ARHGAP11A: variants seen among roughly 807,000 people sequenced by gnomAD.
ARHGAP11A encodes the protein Rho GTPase activating protein 11A.
In ARHGAP11A, 36 loss-of-function variants were observed where a neutral mutation model predicts 60.5. The ratio of observed to expected loss-of-function variants is 0.59; its 90% CI spans 0.46 to 0.79. The LOEUF (loss-of-function observed/expected upper bound fraction) is 0.79, where lower values mean the gene tolerates loss of function less well. Among genes scored for constraint, ARHGAP11A ranks in the 30% least tolerant of loss-of-function variants. The probability of loss-of-function intolerance (pLI) is 0.00; values close to 1 mark genes in which losing one functional copy is unlikely to be tolerated. For missense variants in ARHGAP11A, 1,071 were observed against 1,199.2 expected, an observed-to-expected ratio of 0.89 and a Z score of 1.58; for synonymous variants, 362 against 415.5, an observed-to-expected ratio of 0.87 and a Z score of 1.57.
chr15:32,637,110 T>G lies in ARHGAP11A; in HGVS notation c.2337T>G (p.Pro779=). The G allele has an allele frequency of 1.2e-6, 2 of 1,614,024 alleles. No individual in the cohort carries two copies. Among genetic ancestry groups the G allele is most frequent in the Non-Finnish European group, 1.7e-6 (2 of 1,180,040 alleles). ...TAACAAACTTGTCAAAACCTAGGCC[T>G]ATGAGAATTGCTAAACAGCAGTCAT... The part of the protein sequence containing the change: ...CVVTNLSKPR[P]MRIAKQQSLE... Residue 779 remains proline (P), a synonymous_variant, in exon 12 of 12, where the codon CCT becomes CCG. Coordinates refer to ENST00000361627, the MANE Select transcript of ARHGAP11A (RefSeq NM_014783.6).
Position 32,623,540 on chromosome 15 carries a change from A to T in ARHGAP11A, c.249A>T (p.Glu83Asp), listed in dbSNP as rs750175172. The T allele has an allele frequency of 8.1e-6, 13 of 1,614,086 alleles. No individual in the cohort carries two copies. The East Asian group carries it at 2.2e-4, about 28-fold the overall frequency. Residue 83 changes from glutamate (E) to aspartate (D), a missense_variant, in exon 3 of 12, where the codon GAA becomes GAT. Physicochemically the swap from Glu to Asp is conservative, Grantham distance 45. Transcript: ENST00000361627. ...CTSLEDHIHT[E>D]GLFRKSGSVI... is the part of the protein sequence containing the mutation. ...CTTTAGAAGACCATATTCATACCGA[A>T]GGGCTTTTTCGGAAATCAGGATCTG...
At position 32,638,042 on chromosome 15, in the gene ARHGAP11A, T is replaced by C. The variant is rs2053766246; in HGVS notation, c.*197T>C. On this transcript the variant is annotated 3_prime_UTR_variant, in exon 12 of 12. Transcript: ENST00000361627. ...CAAATTACTTCTTTGTTTTTCTTAA[T>C]GATGGCAATTTTTAAACTTTAATTT... is the stretch of plus-strand genomic sequence containing the variant. 1 of 556,912 alleles carries C rather than the reference T, an allele frequency of 1.8e-6. No individual in the cohort carries two copies. Among genetic ancestry groups the C allele is most frequent in the Non-Finnish European group, 3.1e-6 (1 of 327,034 alleles). 34.5% of individuals were successfully genotyped at this position (556,912 alleles called of 1,614,324 possible). A position where few individuals can be genotyped will look rare whatever the true frequency, so the allele number is the denominator to read the frequency against.
At chr15:32,628,449 C>T (rs865866073) in intron 6 of ARHGAP11A, among the ~76,000 whole-genome samples, 18 of 152,252 alleles carry the variant, frequency 1.2e-4, no homozygotes, top group Middle Eastern at 6.8e-3. Context: ...GTAATGATTT[C>T]TTTTTCCCTA....
Position 32,624,434 on chromosome 15 carries a change from G to A in ARHGAP11A, c.551+8G>A, listed in dbSNP as rs1353890512. The A allele has an allele frequency of 1.2e-6, 2 of 1,607,536 alleles. No homozygotes were observed. The highest frequency in any genetic ancestry group is 1.7e-6 in the Non-Finnish European group (2 of 1,177,866). On this transcript the variant is annotated splice_region_variant and intron_variant, in intron 4 of 11. Coordinates refer to ENST00000361627, the MANE Select transcript of ARHGAP11A (RefSeq NM_014783.6). ...CAGGAATGTTTCTCTTAGGTAAGTG[G>A]TAATTAAAACTCTTGGCAAATAATA...
chr15:32,636,347 A>AT lies in ARHGAP11A; in HGVS notation c.1575dup (p.Asn526Ter). On this transcript the variant is annotated frameshift_variant, in exon 12 of 12. Coordinates refer to ENST00000361627, the MANE Select transcript of ARHGAP11A (RefSeq NM_014783.6). LOFTEE classifies it low-confidence loss of function (END_TRUNC). ...TACCGGATGTCTTGGACAGGACCTA[A>AT]TAATTCAAGTTTTCAAGAAGTAGAT... is the stretch of plus-strand genomic sequence containing the variant. 2 of 1,614,090 alleles carry AT rather than the reference A, an allele frequency of 1.2e-6. No individual in the cohort carries two copies. The highest frequency in any genetic ancestry group is 2.2e-5 in the South Asian group (2 of 91,070).
Position 32,636,497 on chromosome 15 carries a change from A to T in ARHGAP11A, c.1724A>T (p.His575Leu), listed in dbSNP as rs573976518. The T allele has an allele frequency of 2.0e-5, 33 of 1,614,072 alleles. No homozygotes were observed. The South Asian group carries it at 3.4e-4, about 17-fold the overall frequency. The change falls in exon 12 of 12, where the codon CAT becomes CTT. Residue 575 changes from histidine to leucine, a missense_variant. Transcript: ENST00000361627. ...ACCCCTTCCAATTTAAACAATAAGC[A>T]TAATAGCAACATAACAAGTAGCCCT... ...ELTPSNLNNK[H>L]NSNITSSPLS... is the part of the protein sequence containing the mutation.
In ARHGAP11A at chr15:32,635,893, T is replaced by G; in HGVS notation, c.1461T>G (p.Val487=). The change falls in exon 11 of 12, where the codon GTT becomes GTG. Residue 487 remains valine, a synonymous_variant. Coordinates refer to ENST00000361627, the MANE Select transcript of ARHGAP11A (RefSeq NM_014783.6). ...CAGGTTTGCTTTTTAGCCCAGATGT[T>G]GATGAAAAGTTACCAAAGAAAGGTA... ...VKTGLLFSPD[V]DEKLPKKGSE... is the part of the protein sequence containing the mutation. The G allele has an allele frequency of 6.2e-7, 1 of 1,609,472 alleles. No homozygotes were observed. Among genetic ancestry groups the G allele is most frequent in the Non-Finnish European group, 8.5e-7 (1 of 1,178,646 alleles).
rs1221657795 is a variant in ARHGAP11A, at chr15:32,620,171, A to G, written c.193A>G (p.Ile65Val). 4 of 1,609,790 alleles carry G rather than the reference A, an allele frequency of 2.5e-6. No homozygotes were observed. The African/African-American group carries it at 5.4e-5, about 22-fold the overall frequency. ...PHSAVPEYGH[I>V]PSFLVDACTS... is the part of the protein sequence containing the mutation. ...TTCTGCTGTACCAGAATATGGACAC[A>G]TTCCAAGGTAAGCAGAGTTTGAAAT... Residue 65 changes from isoleucine to valine, a missense_variant, in exon 2 of 12, where the codon ATT (isoleucine) becomes GTT (valine). By Grantham distance (29) the Ile-to-Val change is conservative. Transcript: ENST00000361627.
chr15:32,617,921 G>A (rs919210960), intron 1 of ARHGAP11A, among the ~76,000 whole-genome samples: 4 of 152,152 alleles, frequency 2.6e-5, no homozygotes, highest in Non-Finnish European at 5.9e-5. Context: ...AAGTGGGAAC[G>A]TATTTCTCCT....
At position 32,637,701 on chromosome 15, in the gene ARHGAP11A, TAAC is replaced by T; in HGVS notation, c.2933_2935del (p.Asn978del). On this transcript the variant is annotated inframe_deletion, in exon 12 of 12. Coordinates refer to ENST00000361627, the MANE Select transcript of ARHGAP11A (RefSeq NM_014783.6). ...ATGATATAGTAAAACCAGTTGTAAA[TAAC>T]AACATGGGCATTTCTTCTGGGATAA... 1.2e-6 allele frequency: 2 copies of T among 1,614,148 alleles called. No homozygotes were observed. The highest frequency in any genetic ancestry group is 8.5e-7 in the Non-Finnish European group (1 of 1,180,026).
Position 32,637,666 on chromosome 15 carries a change from C to T in ARHGAP11A, c.2893C>T (p.Leu965=). 6.2e-7 allele frequency: 1 copy of T among 1,614,130 alleles called. No individual in the cohort carries two copies. Among genetic ancestry groups the T allele is most frequent in the Non-Finnish European group, 8.5e-7 (1 of 1,179,984 alleles). The change falls in exon 12 of 12, where the codon CTG becomes TTG. Residue 965 remains leucine (L), a synonymous_variant. Coordinates refer to ENST00000361627, the MANE Select transcript of ARHGAP11A (RefSeq NM_014783.6). ...CCAAGTTAAGGTTCCCTTGGATGAT[C>T]TGACTAATCATGATATAGTAAAACC... The part of the protein sequence containing the change: ...DGQVKVPLDD[L]TNHDIVKPVV...
At chr15:32,617,754 G>C (rs1207247040) in intron 1 of ARHGAP11A, among the ~76,000 whole-genome samples, 1 of 152,164 alleles carries the variant, frequency 6.6e-6, no homozygotes, top group Non-Finnish European at 1.5e-5. Context: ...TGGCAGGCGT[G>C]AGCCACTGCA....
In ARHGAP11A at chr15:32,624,338, G is replaced by T. The variant is rs750722673; in HGVS notation, c.463G>T (p.Ala155Ser). Residue 155 changes from alanine to serine, a missense_variant, in exon 4 of 12, where the codon GCT becomes TCT. Physicochemically the swap from Ala to Ser is moderately conservative, Grantham distance 99. Transcript: ENST00000361627. ...GTTAGGCACAGAGGAAAAGAATAAA[G>T]CTACACTGTTGCTCTCCTGTCTTCT... ...QQLGTEEKNK[A>S]TLLLSCLLAD... 2.5e-6 allele frequency: 4 copies of T among 1,613,944 alleles called. No homozygotes were observed. Among genetic ancestry groups the T allele is most frequent in the Non-Finnish European group, 3.4e-6 (4 of 1,179,868 alleles).
rs748090752 is a variant in ARHGAP11A, at chr15:32,625,500, T to G, written c.729T>G (p.Asp243Glu). The G allele has an allele frequency of 3.1e-6, 5 of 1,613,930 alleles. No individual in the cohort carries two copies. Among genetic ancestry groups the G allele is most frequent in the Admixed American group, 1.7e-5 (1 of 60,014 alleles). Residue 243 changes from aspartate to glutamate, a missense_variant, in exon 6 of 12, where the codon GAT (aspartate) becomes GAG (glutamate). Physicochemically the swap from Asp to Glu is conservative, Grantham distance 45. Transcript: ENST00000361627. ...DYASDIGRVPDFILEKIPAML... is the reference protein window; with the variant it reads ...DYASDIGRVPEFILEKIPAML... ...ATTTTCATTTAGGGCGTGTACCAGATTTTATCCTGGAAAAGATACCAGCCA... is the reference window on the plus strand; with the variant it reads ...ATTTTCATTTAGGGCGTGTACCAGAGTTTATCCTGGAAAAGATACCAGCCA...
At chr15:32,632,205 ATG>A (rs749777224) in intron 8 of ARHGAP11A, among the ~76,000 whole-genome samples, 108 of 152,290 alleles carry the variant, frequency 7.1e-4, no homozygotes, top group Non-Finnish European at 1.3e-3. Flanking sequence ...TGTTTGTTGA[ATG>A]TGTCCTGGGC....
intron 4 of ARHGAP11A, 51 bp from the exon 5 acceptor site, chr15:32,625,029 T>A: frequency 6.3e-7 from 1 of 1,582,128 alleles, no homozygotes. Flanking sequence ...ATTTTAACTC[T>A]TCTGTATTTT....
intron 6 of ARHGAP11A, among the ~76,000 whole-genome samples, chr15:32,628,443 T>C (rs1168625269): frequency 6.6e-6 from 1 of 152,188 alleles, no homozygotes; most frequent in Non-Finnish European, 1.5e-5. Context: ...TAACATGTAA[T>C]GATTTCTTTT....
In ARHGAP11A at chr15:32,638,457, T is replaced by C. The variant is rs2053775112; in HGVS notation, c.*612T>C. The C allele has an allele frequency of 6.6e-6, 1 of 152,224 alleles. No homozygotes were observed. Among genetic ancestry groups the C allele is most frequent in the South Asian group, 2.1e-4 (1 of 4,832 alleles). 9.4% of individuals were successfully genotyped at this position (152,224 alleles called of 1,614,324 possible). On this transcript the variant is annotated 3_prime_UTR_variant, in exon 12 of 12. Transcript: ENST00000361627. ...ACATATTTTTGTGTGATAGAAAGAA[T>C]GGAGCAAGTTGTGCCTATTTCCTCC...
At position 32,636,639 on chromosome 15, in the gene ARHGAP11A, T is replaced by C; in HGVS notation, c.1866T>C (p.Thr622=). 1 of 1,613,900 alleles carries C rather than the reference T, an allele frequency of 6.2e-7. No homozygotes were observed. The highest frequency in any genetic ancestry group is 8.5e-7 in the Non-Finnish European group (1 of 1,179,952). ...TGAATCAGAGGCAGTCATCAGTAAC[T>C]AATGTGGGGAAAGTAAAATTAACTG... ...ALMNQRQSSV[T]NVGKVKLTEP... is the part of the protein sequence containing the mutation. Residue 622 remains threonine, a synonymous_variant, in exon 12 of 12, where the codon ACT becomes ACC. Transcript: ENST00000361627.
Sources: allele counts gnomAD v4.1 joint callset (sites outside exome capture counted in the v4.1 genomes callset), GRCh38; gene constraint gnomAD v4.1.1; transcripts MANE v1.5; gene names NCBI Gene and HGNC (gene_info 2026-07-23, HGNC 2026-07-21).